The following RAB3C variants were observed in gnomAD, a reference collection of about 807,000 sequenced individuals.
The protein encoded by RAB3C is ras-related protein Rab-3C.
A neutral mutation model predicts 26.4 loss-of-function variants in RAB3C; 17 were observed. The observed-to-expected ratio is 0.64, with a 90% CI of 0.44 to 0.97. RAB3C has a LOEUF of 0.97. Among genes scored for constraint, RAB3C ranks in the 50% least tolerant of loss-of-function variants. The pLI, the probability that RAB3C is intolerant of heterozygous loss-of-function variation, is 0.00. For synonymous variants in RAB3C, 91 were observed against 95.9 expected (o/e 0.95, Z 0.30); for missense variants, 242 against 281.9 (o/e 0.86, Z 1.01).
intron 3 of RAB3C, among the ~76,000 whole-genome samples, chr5:58,742,546 T>C (rs927867469): frequency 6.6e-6 from 1 of 152,202 alleles, no homozygotes; most frequent in Non-Finnish European, 1.5e-5. Context: ...AGCTGTGCTC[T>C]CCACCCCAAA....
chr5:58,643,865 A>C (rs1031285080), intron 2 of RAB3C, among the ~76,000 whole-genome samples: 24 of 152,338 alleles, frequency 1.6e-4, no homozygotes, highest in African/African-American at 5.3e-4. Context: ...TCTGTTGCCC[A>C]GGCTGGAGTG....
chr5:58,684,587 A>G (rs1205398232), intron 2 of RAB3C, among the ~76,000 whole-genome samples: 1 of 152,176 alleles, frequency 6.6e-6, no homozygotes, highest in African/African-American at 2.4e-5. Flanking sequence ...ACACTGGTTC[A>G]TAGGAAAAAG....
intron 3 of RAB3C, among the ~76,000 whole-genome samples, chr5:58,824,144 G>T (rs1172935089): frequency 6.6e-6 from 1 of 151,824 alleles, no homozygotes. Context: ...ATTTGGGTTG[G>T]TTCCAAGTCT....
intron 4 of RAB3C, among the ~76,000 whole-genome samples, chr5:58,834,889 T>G (rs1440777438): frequency 6.6e-6 from 1 of 152,170 alleles, no homozygotes; most frequent in South Asian, 2.1e-4. Context: ...TATTTCATAA[T>G]CTTATGGATC....
At chr5:58,621,222 G>A (rs951731886) in intron 2 of RAB3C, among the ~76,000 whole-genome samples, 3 of 152,140 alleles carry the variant, frequency 2.0e-5, no homozygotes, top group Non-Finnish European at 2.9e-5. Flanking sequence ...GAAAGCCATC[G>A]TGGGTTGAAA....
Position 58,659,302 on chromosome 5 carries a change from A to C in RAB3C, c.252+41432A>C, listed in dbSNP as rs146482987. On this transcript the variant is annotated intron_variant, in intron 2 of 4. Transcript: ENST00000282878. Reference sequence around the variant, plus strand: ...AAATTTTAAAATATACTGAAGTGAAATTATATGTCTTCTTCTGAAAGAGGT... The same window carrying C: ...AAATTTTAAAATATACTGAAGTGAACTTATATGTCTTCTTCTGAAAGAGGT... 1.6e-3 allele frequency among the ~76,000 whole-genome samples: 249 copies of C among 152,284 alleles called. 7 individuals carry two copies. The East Asian group carries it at 0.043, about 26-fold the overall frequency.
At chr5:58,849,788 G>A (rs908265635) in intron 4 of RAB3C, among the ~76,000 whole-genome samples, 7 of 152,188 alleles carry the variant, frequency 4.6e-5, no homozygotes, top group Non-Finnish European at 8.8e-5. Flanking sequence ...TTTAACTCAC[G>A]ACACTTGCCT....
chr5:58,829,065 G>A (rs299918), intron 4 of RAB3C, among the ~76,000 whole-genome samples: 7,024 of 151,614 alleles, frequency 0.046, 451 homozygotes, highest in African/African-American at 0.14. Flanking sequence ...CACCACGCCC[G>A]GCTACTTTTT....
At chr5:58,607,096 A>G (rs188862722) in intron 1 of RAB3C, among the ~76,000 whole-genome samples, 12 of 152,344 alleles carry the variant, frequency 7.9e-5, no homozygotes, top group Admixed American at 7.2e-4. Flanking sequence ...TCAGAAGGTC[A>G]GTAATAACAA....
intron 2 of RAB3C, among the ~76,000 whole-genome samples, chr5:58,684,662 GGGA>G (rs1197020250): frequency 6.6e-6 from 1 of 152,174 alleles, no homozygotes; most frequent in African/African-American, 2.4e-5. Flanking sequence ...CATATAGGAG[GGGA>G]GTATTAATTA....
Position 58,695,383 on chromosome 5 carries a change from T to G in RAB3C, c.253-30619T>G, listed in dbSNP as rs376586133. On this transcript the variant is annotated intron_variant, in intron 2 of 4. Transcript: ENST00000282878. The stretch of plus-strand genomic sequence containing the variant: ...ATGCCTCCAGCTTTGTTCTTTTTGC[T>G]TAGGATTGTTTTGGCAATGCAGGCT... Among the ~76,000 whole-genome samples, 6 of 152,306 alleles carry G rather than the reference T, an allele frequency of 3.9e-5. No individual in the cohort carries two copies. The East Asian group carries it at 7.7e-4, about 20-fold the overall frequency.
At chr5:58,805,586 T>A in intron 3 of RAB3C, among the ~76,000 whole-genome samples, 1 of 41,374 alleles carries the variant, frequency 2.4e-5, no homozygotes, top group African/African-American at 8.1e-5. Context: ...CAAGACTCCA[T>A]CTGAAAAAAA....
At chr5:58,725,778 T>C (rs1740876961) in intron 2 of RAB3C, among the ~76,000 whole-genome samples, 1 of 151,912 alleles carries the variant, frequency 6.6e-6, no homozygotes, top group African/African-American at 2.4e-5. Context: ...TATATAAATC[T>C]ATTAAATTAT....
chr5:58,807,368 T>A (rs908948932), intron 3 of RAB3C, among the ~76,000 whole-genome samples: 1 of 152,222 alleles, frequency 6.6e-6, no homozygotes, highest in African/African-American at 2.4e-5. Flanking sequence ...TAAATGGATA[T>A]ATGTTGTGAG....
rs533300916 is a variant in RAB3C, at chr5:58,692,091, G to A, written c.253-33911G>A. Among the ~76,000 whole-genome samples, 352 of 152,264 alleles carry A rather than the reference G, an allele frequency of 2.3e-3. 1 individual carries two copies. Among genetic ancestry groups the A allele is most frequent in the Non-Finnish European group, 4.0e-3 (271 of 68,034 alleles). ...TTCTGATACATCTGGCATGAAAATA[G>A]CTCCAAATGGTTGGACACTTAAAAT... On this transcript the variant is annotated intron_variant, in intron 2 of 4. Coordinates refer to ENST00000282878, the MANE Select transcript of RAB3C (RefSeq NM_138453.4).
chr5:58,595,838 T>C (rs1746234416), intron 1 of RAB3C, among the ~76,000 whole-genome samples: 2 of 152,186 alleles, frequency 1.3e-5, no homozygotes, highest in South Asian at 4.1e-4. Flanking sequence ...ATGTATATTT[T>C]ATCATATCCA....
At chr5:58,644,400 G>A (rs1579834305) in intron 2 of RAB3C, 1 of 152,114 alleles carries the variant, frequency 6.6e-6, no homozygotes, top group African/African-American at 2.4e-5. Flanking sequence ...GGATTTGATG[G>A]CATAATTTGT....
chr5:58,721,730 C>T lies in RAB3C; in HGVS notation c.253-4272C>T, dbSNP rs764131785. The stretch of plus-strand genomic sequence containing the variant: ...AGTCAGCTTGGTGTCTGTTTATTAG[C>T]TTAATTTTATTCTTTATATTTGGAG... On this transcript the variant is annotated intron_variant, in intron 2 of 4. Transcript: ENST00000282878. 1.3e-5 allele frequency among the ~76,000 whole-genome samples: 2 copies of T among 151,662 alleles called. 1 individual carries two copies. Among genetic ancestry groups the T allele is most frequent in the African/African-American group, 4.8e-5 (2 of 41,348 alleles).
chr5:58,790,116 A>G (rs569887734), intron 3 of RAB3C, among the ~76,000 whole-genome samples: 1 of 152,322 alleles, frequency 6.6e-6, no homozygotes, highest in South Asian at 2.1e-4. Context: ...CTCTGCTTTA[A>G]TATCCCATAG....
Sources: gnomAD v4.1 joint callset for allele counts (sites outside exome capture counted in the v4.1 genomes callset) on GRCh38, gnomAD v4.1.1 for gene constraint, MANE v1.5 for transcripts, NCBI Gene and HGNC (gene_info 2026-07-23, HGNC 2026-07-21) for gene names.